Variants in DMTF1 observed in about 807,000 individuals in gnomAD.
DMTF1 encodes the protein cyclin D binding myb like transcription factor 1.
A neutral mutation model predicts 91.1 loss-of-function variants in DMTF1; 39 were observed. That is an observed-to-expected ratio of 0.43 (90% CI 0.33 to 0.56). The LOEUF is 0.56. DMTF1 is among the 20% of genes least tolerant of loss of function. The probability of loss-of-function intolerance (pLI) is 0.05; values close to 1 mark genes in which losing one functional copy is unlikely to be tolerated. For missense variants in DMTF1, 750 were observed against 914.5 expected (o/e 0.82, Z 2.32); for synonymous variants, 338 against 309.5 (o/e 1.09, Z -0.97).
intron 1 of DMTF1, among the ~76,000 whole-genome samples, chr7:87,153,851 C>T (rs1789981396): frequency 6.6e-6 from 1 of 152,158 alleles, no homozygotes; most frequent in Non-Finnish European, 1.5e-5. Context: ...CGAAAATATT[C>T]TTCCACTATG....
intron 1 of DMTF1, among the ~76,000 whole-genome samples, chr7:87,158,551 A>AT (rs1290538319): frequency 2.0e-5 from 3 of 152,052 alleles, no homozygotes; most frequent in Non-Finnish European, 4.4e-5. Flanking sequence ...AGTTATAATA[A>AT]TTTTAGAAAG....
chr7:87,169,005 G>T (rs1279839051), intron 4 of DMTF1, among the ~76,000 whole-genome samples: 1 of 152,042 alleles, frequency 6.6e-6, no homozygotes, highest in South Asian at 2.1e-4. Flanking sequence ...TATATTTGTT[G>T]TCCTATCTTA....
At chr7:87,152,716 G>A (rs898665722) in intron 1 of DMTF1, 161 bp downstream of exon 1, 1 of 153,896 alleles carries the variant, frequency 6.5e-6, no homozygotes, top group Admixed American at 6.5e-5. Context: ...TCCTGACGTT[G>A]CAGCTGCCGT....
intron 17 of DMTF1, 46 bp downstream of exon 17, chr7:87,194,874 G>GA (rs757294441): frequency 7.8e-6 from 12 of 1,547,054 alleles, no homozygotes; most frequent in Admixed American, 5.8e-5. Flanking sequence ...ATTTTAGATG[G>GA]AAAAAAACAG....
At chr7:87,154,184 G>A (rs1790077943) in intron 1 of DMTF1, 2 of 152,226 alleles carry the variant, frequency 1.3e-5, no homozygotes, top group African/African-American at 2.4e-5. Context: ...GTCATGCTGA[G>A]AGAATCCAAT....
intron 1 of DMTF1, chr7:87,163,256 G>C (rs1209240657): frequency 2.7e-5 from 4 of 147,766 alleles, no homozygotes; most frequent in African/African-American, 7.5e-5. Context: ...TTGTCTGCCT[G>C]ATGAGAGCCA....
At chr7:87,181,980 A>G in intron 9 of DMTF1, 1 of 1,472,364 alleles carries the variant, frequency 6.8e-7, no homozygotes, top group Non-Finnish European at 9.0e-7. Context: ...TCTTTTTTGA[A>G]CACATATCCA....
intron 16 of DMTF1, chr7:87,194,367 AC>A (rs1346080665): frequency 2.2e-6 from 1 of 454,554 alleles, no homozygotes; most frequent in African/African-American, 2.0e-5. Context: ...GTTTGTTAGA[AC>A]CCATAGAAGC....
chr7:87,188,148 T>C lies in DMTF1; in HGVS notation c.1258T>C (p.Leu420=). The change falls in exon 13 of 18, where the codon TTG becomes CTG. Residue 420 remains leucine, a synonymous_variant. Transcript: ENST00000331242. The stretch of plus-strand genomic sequence containing the variant: ...GAACCAAAAAAACAACCCAACGCTT[T>C]TGGAGAATAAATCAGGATCTGGAGT... ...HENQKNNPTL[L]ENKSGSGVPN... is the part of the protein sequence containing the mutation. 6.2e-7 allele frequency: 1 copy of C among 1,613,914 alleles called. No homozygotes were observed. Among genetic ancestry groups the C allele is most frequent in the South Asian group, 1.1e-5 (1 of 91,078 alleles).
rs1800520265 is a variant in DMTF1, at chr7:87,193,913, A to C, written c.1839A>C (p.Pro613=). ...PPDALEADTF[P]DEIHHPKMTV... ...ACGCCCTAGAAGCAGACACTTTCCCAGATGAAATTCATCACCCTAAGATGA... is the reference window on the plus strand; with the variant it reads ...ACGCCCTAGAAGCAGACACTTTCCCCGATGAAATTCATCACCCTAAGATGA... The change falls in exon 16 of 18, where the codon CCA becomes CCC. Residue 613 remains proline, a synonymous_variant. Transcript: ENST00000331242. 1 of 1,613,376 alleles carries C rather than the reference A, an allele frequency of 6.2e-7. No homozygotes were observed. The highest frequency in any genetic ancestry group is 8.5e-7 in the Non-Finnish European group (1 of 1,179,626).
chr7:87,167,030 A>T (rs73206941), intron 4 of DMTF1, among the ~76,000 whole-genome samples: 3,957 of 152,306 alleles, frequency 0.026, 79 homozygotes, highest in East Asian at 0.064. Flanking sequence ...AGAAGAAAGC[A>T]TGCTTTACAA....
intron 2 of DMTF1, chr7:87,164,190 T>C (rs1793234761): frequency 6.6e-6 from 1 of 151,906 alleles, no homozygotes; most frequent in Non-Finnish European, 1.5e-5. Flanking sequence ...TTAAACCTTA[T>C]AAGGTATTTC....
chr7:87,175,820 C>G (rs1351660307), intron 7 of DMTF1, among the ~76,000 whole-genome samples: 1 of 152,124 alleles, frequency 6.6e-6, no homozygotes, highest in African/African-American at 2.4e-5. Flanking sequence ...CTCTGGAAAA[C>G]TGGGCTCCGA....
chr7:87,171,171 C>A, intron 5 of DMTF1, 82 bp downstream of exon 5: 2 of 967,410 alleles, frequency 2.1e-6, no homozygotes, highest in Non-Finnish European at 3.1e-6. Context: ...AAACCTCAGC[C>A]TCCCAAGTAG....
At position 87,165,051 on chromosome 7, in the gene DMTF1, G is replaced by C. The variant is rs1285979138; in HGVS notation, c.109+1G>C. 6.3e-7 allele frequency: 1 copy of C among 1,593,114 alleles called. No homozygotes were observed. On this transcript the variant is annotated splice_donor_variant, in intron 3 of 17. Coordinates refer to ENST00000331242, the MANE Select transcript of DMTF1 (RefSeq NM_001142327.2). LOFTEE classifies it high-confidence loss of function. ...CTCATTCTTCACTGCCCTCAGAATG[G>C]TAGGAGAACTTGCTGACATATAATT...
At chr7:87,175,059 C>T (rs1795975678) in intron 7 of DMTF1, among the ~76,000 whole-genome samples, 2 of 147,320 alleles carry the variant, frequency 1.4e-5, no homozygotes, top group African/African-American at 2.5e-5. Flanking sequence ...TGCTCTGTTG[C>T]CCAGGCTGGA....
At chr7:87,173,275 C>T (rs760782737) in intron 5 of DMTF1, among the ~76,000 whole-genome samples, 26 of 151,972 alleles carry the variant, frequency 1.7e-4, no homozygotes, top group Non-Finnish European at 3.1e-4. Flanking sequence ...GCCAATAGTA[C>T]ATTTACTTGC....
chr7:87,173,411 A>G, intron 5 of DMTF1, 124 bp from the exon 6 acceptor site: 1 of 497,958 alleles, frequency 2.0e-6, no homozygotes, highest in South Asian at 2.9e-5. Flanking sequence ...AGTGAATTCC[A>G]TATGACTATA....
intron 16 of DMTF1, 70 bp from the exon 17 acceptor site, chr7:87,194,614 A>C (rs1201640714): frequency 9.3e-6 from 11 of 1,181,766 alleles, no homozygotes. Flanking sequence ...ACCTATACAT[A>C]CCTATACATG....
Sources: allele counts gnomAD v4.1 joint callset (sites outside exome capture counted in the v4.1 genomes callset), GRCh38; gene constraint gnomAD v4.1.1; transcripts MANE v1.5; gene names NCBI Gene and HGNC (gene_info 2026-07-23, HGNC 2026-07-21).